Variants in SESN2 observed in about 807,000 individuals in gnomAD.
The protein encoded by SESN2 is sestrin-2.
In SESN2, 42 loss-of-function variants were observed where a neutral mutation model predicts 56.0. The ratio of observed to expected loss-of-function variants is 0.75; its 90% CI spans 0.59 to 0.97. SESN2 has a LOEUF of 0.97. Ranked by LOEUF, SESN2 falls within the 50% of genes least tolerant of loss-of-function variation. The probability of loss-of-function intolerance (pLI) is 0.00; values close to 1 mark genes in which losing one functional copy is unlikely to be tolerated. For missense variants in SESN2, 507 were observed against 649.4 expected (o/e 0.78, Z 2.38); for synonymous variants, 264 against 267.1 (o/e 0.99, Z 0.11).
intron 1 of SESN2, among the ~76,000 whole-genome samples, chr1:28,262,359 T>C (rs74064114): frequency 0.01 from 1,587 of 152,190 alleles, 33 homozygotes; most frequent in African/African-American, 0.036. Context: ...AATAACTTTC[T>C]CGGCCAGATG....
Position 28,269,189 on chromosome 1 carries a change from A to C in SESN2, c.97A>C (p.Arg33=). ...CTCATATGTTTCCTCCCAGGAGCAG[A>C]GGGAGAGCCGGGCTCGGCGAGGCCC... The part of the protein sequence containing the change: ...VGDSGPGEEQ[R]ESRARRGPRG... Residue 33 remains arginine (R), a synonymous_variant, in exon 2 of 10, where the codon AGG becomes CGG. Coordinates refer to ENST00000253063, the MANE Select transcript of SESN2 (RefSeq NM_031459.5). 6.2e-7 allele frequency: 1 copy of C among 1,612,288 alleles called. No individual in the cohort carries two copies. Among genetic ancestry groups the C allele is most frequent in the Non-Finnish European group, 8.5e-7 (1 of 1,178,886 alleles).
Position 28,281,317 on chromosome 1 carries a change from C to T in SESN2, c.*515C>T, listed in dbSNP as rs1648232593. The T allele has an allele frequency of 6.5e-6, 1 of 153,264 alleles. No homozygotes were observed. Among genetic ancestry groups the T allele is most frequent in the African/African-American group, 2.4e-5 (1 of 41,478 alleles). 9.5% of individuals were successfully genotyped at this position (153,264 alleles called of 1,614,324 possible). On this transcript the variant is annotated 3_prime_UTR_variant, in exon 10 of 10. Coordinates refer to ENST00000253063, the MANE Select transcript of SESN2 (RefSeq NM_031459.5). The stretch of plus-strand genomic sequence containing the variant: ...TCACAGCTGGTCTGTGTGTCCAGTT[C>T]CCTAAAAGCCTGTTCTGTTGGGCAG...
intron 1 of SESN2, among the ~76,000 whole-genome samples, chr1:28,260,197 G>A (rs1647324295): frequency 6.7e-6 from 1 of 149,400 alleles, no homozygotes; most frequent in Non-Finnish European, 1.5e-5. Context: ...CCACCCCAGG[G>A]CCGCGGATCC....
chr1:28,266,030 A>G (rs1359941765), intron 1 of SESN2, among the ~76,000 whole-genome samples: 4 of 152,340 alleles, frequency 2.6e-5, no homozygotes, highest in Admixed American at 2.0e-4. Flanking sequence ...TATGAAGGCC[A>G]AGGGCTTTGT....
intron 8 of SESN2, among the ~76,000 whole-genome samples, chr1:28,278,782 A>C (rs1017766046): frequency 1.3e-5 from 2 of 152,234 alleles, no homozygotes; most frequent in African/African-American, 2.4e-5. Context: ...GGGTTGATGA[A>C]TGTAGCAGAT....
chr1:28,271,831 G>T lies in SESN2; in HGVS notation c.314G>T (p.Gly105Val). ...RLHYLLLHTD[G>V]PLASSWRHYI... The stretch of plus-strand genomic sequence containing the variant: ...CACTACCTGCTGCTGCACACGGATG[G>T]TCCCTTGGCCAGCTCCTGGCGCCAC... The change falls in exon 3 of 10, where the codon GGT (glycine) becomes GTT (valine). Residue 105 changes from glycine (G) to valine (V), a missense_variant. Coordinates refer to ENST00000253063, the MANE Select transcript of SESN2 (RefSeq NM_031459.5). 1 of 1,614,154 alleles carries T rather than the reference G, an allele frequency of 6.2e-7. No homozygotes were observed. The highest frequency in any genetic ancestry group is 8.5e-7 in the Non-Finnish European group (1 of 1,180,020).
At chr1:28,279,048 G>T (rs1422094995) in intron 8 of SESN2, 49 bp from the exon 9 acceptor site, 1 of 1,603,428 alleles carries the variant, frequency 6.2e-7, no homozygotes, top group Admixed American at 1.7e-5. Flanking sequence ...GGAGGGAGCT[G>T]CCTTTGGGAA....
intron 8 of SESN2, among the ~76,000 whole-genome samples, chr1:28,278,321 C>A (rs1011335127): frequency 7.9e-5 from 12 of 152,204 alleles, no homozygotes; most frequent in Non-Finnish European, 1.3e-4. Context: ...GTAATCCCAG[C>A]ACTTTGGGAG....
chr1:28,276,331 T>G (rs1648039352), intron 8 of SESN2, among the ~76,000 whole-genome samples: 2 of 151,724 alleles, frequency 1.3e-5, no homozygotes, highest in South Asian at 4.2e-4. Flanking sequence ...AAATAAAAAT[T>G]AGCTGAGTGT....
intron 1 of SESN2, among the ~76,000 whole-genome samples, chr1:28,263,881 G>T (rs1274124452): frequency 1.3e-5 from 2 of 152,104 alleles, no homozygotes; most frequent in Admixed American, 1.3e-4. Flanking sequence ...GATGGAACCT[G>T]TGTGCAAGTA....
In SESN2 at chr1:28,272,702, G is replaced by A; in HGVS notation, c.659G>A (p.Gly220Glu). The A allele has an allele frequency of 6.2e-7, 1 of 1,613,186 alleles. No individual in the cohort carries two copies. The highest frequency in any genetic ancestry group is 8.5e-7 in the Non-Finnish European group (1 of 1,179,174). Residue 220 changes from glycine to glutamate, a missense_variant, in exon 5 of 10, where the codon GGG becomes GAG. Transcript: ENST00000253063. ...TTTGGCTGTGGCATCCTCCCTGAGGGGGATGCAGATGGCAGCCCTGCCCCC... is the reference window on the plus strand; with the variant it reads ...TTTGGCTGTGGCATCCTCCCTGAGGAGGATGCAGATGGCAGCCCTGCCCCC... ...FVFGCGILPE[G>E]DADGSPAPQA...
intron 1 of SESN2, among the ~76,000 whole-genome samples, chr1:28,267,261 T>C (rs955496606): frequency 6.6e-6 from 1 of 152,156 alleles, no homozygotes; most frequent in Non-Finnish European, 1.5e-5. Flanking sequence ...TTCCCAGAAG[T>C]GTGGGCTGAA....
chr1:28,278,060 C>G (rs1648112488), intron 8 of SESN2, among the ~76,000 whole-genome samples: 2 of 152,222 alleles, frequency 1.3e-5, no homozygotes, highest in African/African-American at 4.8e-5. Context: ...CTGGGGATAA[C>G]TAAGTGGCTT....
chr1:28,262,252 C>T (rs1647398194), intron 1 of SESN2, among the ~76,000 whole-genome samples: 1 of 152,258 alleles, frequency 6.6e-6, no homozygotes, highest in South Asian at 2.1e-4. Context: ...TGTCACTTCA[C>T]CACACACTCC....
chr1:28,266,448 T>TA (rs1647562221), intron 1 of SESN2, among the ~76,000 whole-genome samples: 1 of 152,128 alleles, frequency 6.6e-6, no homozygotes, highest in African/African-American at 2.4e-5. Flanking sequence ...TGGAAGTAGT[T>TA]ACTGCTATCC....
intron 8 of SESN2, among the ~76,000 whole-genome samples, chr1:28,275,480 C>T (rs773123916): frequency 1.3e-5 from 2 of 152,130 alleles, no homozygotes; most frequent in Non-Finnish European, 2.9e-5. Flanking sequence ...ATAGGCTGGG[C>T]GCAGTGGCTC....
At position 28,259,843 on chromosome 1, in the gene SESN2, G is replaced by A. The variant is rs1345129961; in HGVS notation, c.-5G>A. Reference sequence around the variant, plus strand: ...GCGAGCCGCGACCGGGTCCTGGCGCGCACCATGATCGTGGCGGACTCCGAG... The same window carrying A: ...GCGAGCCGCGACCGGGTCCTGGCGCACACCATGATCGTGGCGGACTCCGAG... On this transcript the variant is annotated 5_prime_UTR_variant, in exon 1 of 10. Transcript: ENST00000253063. 2.2e-6 allele frequency: 3 copies of A among 1,382,096 alleles called. No homozygotes were observed. The highest frequency in any genetic ancestry group is 2.8e-6 in the Non-Finnish European group (3 of 1,068,484). The allele number at this position is 1,382,096 out of a possible 1,614,324, so 85.6% of individuals were successfully genotyped here.
Position 28,279,184 on chromosome 1 carries a change from G to A in SESN2, c.1299G>A (p.Glu433=), listed in dbSNP as rs758626357. The change falls in exon 9 of 10, where the codon GAG becomes GAA. Residue 433 remains glutamate (E), a synonymous_variant. Coordinates refer to ENST00000253063, the MANE Select transcript of SESN2 (RefSeq NM_031459.5). ...VYIKTVACYP[E]KTTRRMYNLF... ...TCAAGACAGTGGCCTGCTACCCAGA[G>A]AAGACCACCCGAAGAATGTACAACC... 1 of 1,614,212 alleles carries A rather than the reference G, an allele frequency of 6.2e-7. No individual in the cohort carries two copies. Among genetic ancestry groups the A allele is most frequent in the South Asian group, 1.1e-5 (1 of 91,084 alleles).
chr1:28,275,728 G>C (rs563498793), intron 8 of SESN2, among the ~76,000 whole-genome samples: 2 of 150,050 alleles, frequency 1.3e-5, no homozygotes, highest in Non-Finnish European at 3.0e-5. Flanking sequence ...CTCCAGCCTG[G>C]GTGACAGAGC....
Sources: allele counts gnomAD v4.1 joint callset (sites outside exome capture counted in the v4.1 genomes callset), GRCh38; gene constraint gnomAD v4.1.1; transcripts MANE v1.5; gene names NCBI Gene and HGNC (gene_info 2026-07-23, HGNC 2026-07-21).